Variants in AMPD3 observed in about 807,000 individuals in gnomAD.
AMPD3 encodes the protein adenosine monophosphate deaminase 3, also known as AMP deaminase 3.
In AMPD3, 57 loss-of-function variants were observed where a neutral mutation model predicts 82.3. That is an observed-to-expected ratio of 0.69 (90% CI 0.56 to 0.86). AMPD3 has a LOEUF of 0.86. Among genes scored for constraint, AMPD3 ranks in the 40% least tolerant of loss-of-function variants. AMPD3 has a pLI of 0.00. For missense variants in AMPD3, 870 were observed against 1,003.8 expected, an observed-to-expected ratio of 0.87 and a Z score of 1.80; for synonymous variants, 381 against 394.7, an observed-to-expected ratio of 0.97 and a Z score of 0.41.
chr11:10,482,037 C>A (rs761721731), intron 3 of AMPD3, 26 bp from the exon 4 acceptor site: 1 of 1,614,160 alleles, frequency 6.2e-7, no homozygotes, highest in Admixed American at 1.7e-5. Context: ...TGCATGAACC[C>A]TTTCCTGCCT....
intron 2 of AMPD3, among the ~76,000 whole-genome samples, chr11:10,462,649 G>A (rs1411764754): frequency 6.6e-6 from 1 of 152,168 alleles, no homozygotes; most frequent in Non-Finnish European, 1.5e-5. Flanking sequence ...GATGAGGAAT[G>A]GATCTGAGGG....
At chr11:10,495,140 A>T in intron 8 of AMPD3, 110 bp downstream of exon 8, 1 of 1,607,358 alleles carries the variant, frequency 6.2e-7, no homozygotes, top group South Asian at 1.1e-5. Context: ...TCTGTGTACC[A>T]TCAGCTCAGG....
At chr11:10,461,818 G>A (rs1591440848) in intron 2 of AMPD3, 78 bp downstream of exon 2, 1 of 1,387,086 alleles carries the variant, frequency 7.2e-7, no homozygotes, top group Non-Finnish European at 1.0e-6. Context: ...GTCCTGATAT[G>A]AGGCACCTCA....
At chr11:10,459,947 T>C (rs1202694467) in intron 1 of AMPD3, among the ~76,000 whole-genome samples, 1 of 151,472 alleles carries the variant, frequency 6.6e-6, no homozygotes, top group East Asian at 1.9e-4. Flanking sequence ...TATGCCTTCA[T>C]TTTCTCATCT....
chr11:10,485,162 C>A, intron 5 of AMPD3, 123 bp downstream of exon 5: 1 of 878,490 alleles, frequency 1.1e-6, no homozygotes, highest in Non-Finnish European at 1.8e-6. Flanking sequence ...AGAAAGAGCG[C>A]GGTTTCTCCT....
chr11:10,484,249 TG>T, intron 4 of AMPD3: 1 of 985,360 alleles, frequency 1.0e-6, no homozygotes, highest in East Asian at 1.1e-4. Context: ...CTATAGTGGT[TG>T]GGGGCAGATG....
At chr11:10,475,932 C>T (rs1006905798) in intron 2 of AMPD3, among the ~76,000 whole-genome samples, 1 of 152,182 alleles carries the variant, frequency 6.6e-6, no homozygotes, top group Admixed American at 6.5e-5. Context: ...TTCCCAGAAA[C>T]TCCAGACAAG....
intron 12 of AMPD3, 155 bp downstream of exon 12, chr11:10,501,745 T>C: frequency 1.0e-6 from 1 of 985,142 alleles, no homozygotes; most frequent in East Asian, 1.1e-4. Context: ...AGTAATATAA[T>C]CAAACTCATC....
At chr11:10,487,182 C>T (rs1849097534) in intron 5 of AMPD3, 53 bp from the exon 6 acceptor site, 3 of 1,612,024 alleles carry the variant, frequency 1.9e-6, no homozygotes, top group East Asian at 4.5e-5. Flanking sequence ...GGCCTCCAAA[C>T]TGGAGAGCTC....
chr11:10,489,474 G>A (rs1293444750), intron 6 of AMPD3, among the ~76,000 whole-genome samples: 4 of 152,156 alleles, frequency 2.6e-5, no homozygotes, highest in African/African-American at 9.7e-5. Flanking sequence ...GTCCTGGCGT[G>A]GGGCTAGGGT....
intron 10 of AMPD3, among the ~76,000 whole-genome samples, chr11:10,499,085 C>A (rs1849503585): frequency 6.6e-6 from 1 of 151,894 alleles, no homozygotes; most frequent in African/African-American, 2.4e-5. Context: ...CATGGCTTAG[C>A]CCAGCAAGGA....
chr11:10,505,883 A>G lies in AMPD3; in HGVS notation c.2303A>G (p.Ter768TrpextTer41). 2 of 1,614,158 alleles carry G rather than the reference A, an allele frequency of 1.2e-6. No individual in the cohort carries two copies. Among genetic ancestry groups the G allele is most frequent in the Non-Finnish European group, 1.7e-6 (2 of 1,180,024 alleles). Residue 768 changes from the stop codon to tryptophan, a stop_lost, in exon 15 of 15, where the codon TAG becomes TGG. Coordinates refer to ENST00000396553, the MANE Select transcript of AMPD3 (RefSeq NM_001025389.2). ...KSEEITALTN[*>W] ...GAAGAGATCACCGCCTTGACCAACT[A>G]GGTCCAGCATTTGACATGCATTTTA...
chr11:10,493,225 T>A (rs1849290589), intron 6 of AMPD3, 124 bp from the exon 7 acceptor site: 1 of 1,122,878 alleles, frequency 8.9e-7, no homozygotes, highest in East Asian at 2.4e-5. Context: ...ATCCAGACAC[T>A]GGTGGGGCTG....
In AMPD3 at chr11:10,497,824, T is replaced by C. The variant is rs1167135036; in HGVS notation, c.1557+886T>C. 18 of 985,374 alleles carry C rather than the reference T, an allele frequency of 1.8e-5. No homozygotes were observed. The East Asian group carries it at 1.7e-3, about 93-fold the overall frequency. The allele number at this position is 985,374 out of a possible 1,614,324, so 61.0% of individuals were successfully genotyped here. On this transcript the variant is annotated intron_variant, in intron 10 of 14. Transcript: ENST00000396553. ...CACTCGTGCGTGCTTCTGCCTGGCCTGGTCAGACGCCACAACGTGATCTCA... is the reference window on the plus strand; with the variant it reads ...CACTCGTGCGTGCTTCTGCCTGGCCCGGTCAGACGCCACAACGTGATCTCA...
intron 10 of AMPD3, chr11:10,497,513 A>G (rs1313048211): frequency 1.1e-6 from 1 of 921,874 alleles, no homozygotes. Flanking sequence ...TCGAGGGGGT[A>G]TCAGATGGTG....
At chr11:10,462,388 G>T (rs1457696066) in intron 2 of AMPD3, among the ~76,000 whole-genome samples, 1 of 152,156 alleles carries the variant, frequency 6.6e-6, no homozygotes, top group Admixed American at 6.5e-5. Flanking sequence ...GGACAGGAGT[G>T]ACAAGGAAAG....
chr11:10,455,164 A>G, upstream of AMPD3: 2 of 985,374 alleles, frequency 2.0e-6, no homozygotes, highest in Non-Finnish European at 2.4e-6. Context: ...CAGGATTTCA[A>G]CAGCACCACA....
chr11:10,470,035 G>A (rs1362491767), intron 2 of AMPD3, among the ~76,000 whole-genome samples: 41 of 116,936 alleles, frequency 3.5e-4, no homozygotes, highest in East Asian at 6.4e-4. Flanking sequence ...GCGAGACTCC[G>A]TCTCAAAAAA....
intron 3 of AMPD3, chr11:10,481,852 A>G: frequency 1.6e-6 from 1 of 627,248 alleles, no homozygotes; most frequent in Non-Finnish European, 2.8e-6. Flanking sequence ...AGGCTCCAGA[A>G]GGAAAGCAGG....
Sources: allele counts gnomAD v4.1 joint callset (sites outside exome capture counted in the v4.1 genomes callset), GRCh38; gene constraint gnomAD v4.1.1; transcripts MANE v1.5; gene names NCBI Gene and HGNC (gene_info 2026-07-23, HGNC 2026-07-21).